Variants in PTP4A1 observed in about 807,000 individuals in gnomAD.
PTP4A1 encodes the protein protein tyrosine phosphatase 4A1, also known as protein tyrosine phosphatase type IVA 1.
Under a neutral mutation model 20.5 loss-of-function variants are expected in PTP4A1, and 9 were observed. The observed-to-expected ratio is 0.44, with a 90% CI of 0.26 to 0.77. The LOEUF is 0.77. Ranked by LOEUF, PTP4A1 falls within the 30% of genes least tolerant of loss-of-function variation. The pLI, the probability that PTP4A1 is intolerant of heterozygous loss-of-function variation, is 0.19. For synonymous variants in PTP4A1, 78 were observed against 67.4 expected (o/e 1.16, Z -0.77); for missense variants, 137 against 218.8 (o/e 0.63, Z 2.36).
chr6:63,580,238 T>C lies in PTP4A1; in HGVS notation c.*64T>C. ...ATAGGGCCTAATTTGTTATACATAT[T>C]AGCCAACATGTTGGCTTAGTAAGTC... is the stretch of plus-strand genomic sequence containing the variant. On this transcript the variant is annotated 3_prime_UTR_variant, in exon 6 of 6. Transcript: ENST00000626021. 7.8e-7 allele frequency: 1 copy of C among 1,282,608 alleles called. No homozygotes were observed. The allele number at this position is 1,282,608 out of a possible 1,614,324, so 79.5% of individuals were successfully genotyped here.
At chr6:63,533,006 C>A (rs1775538873) in intron 2 of PTP4A1, among the ~76,000 whole-genome samples, 2 of 152,126 alleles carry the variant, frequency 1.3e-5, no homozygotes, top group South Asian at 4.1e-4. Context: ...CCAGACACTG[C>A]CTTTGAAGAG....
upstream of PTP4A1, chr6:63,572,452 T>A: frequency 2.7e-6 from 1 of 372,368 alleles, no homozygotes; most frequent in Non-Finnish European, 4.8e-6. Flanking sequence ...GCGCCGGCTA[T>A]AAAGGGGAGG....
intron 1 of PTP4A1, among the ~76,000 whole-genome samples, chr6:63,523,108 T>C (rs1443288588): frequency 6.6e-6 from 1 of 151,784 alleles, no homozygotes; most frequent in East Asian, 1.9e-4. Flanking sequence ...TCAAGTGACC[T>C]GCCCACCTCA....
rs1778057618 is a variant in PTP4A1 at position 63,579,136 on chromosome 6, A to T, written c.329+108A>T. 7 of 1,379,224 alleles carry T rather than the reference A, an allele frequency of 5.1e-6. No individual in the cohort carries two copies. In the Admixed American group the frequency reaches 1.5e-4, roughly 30 times the overall value. 85.4% of individuals were successfully genotyped at this position (1,379,224 alleles called of 1,614,324 possible). A position where few individuals can be genotyped will look rare whatever the true frequency, so the allele number is the denominator to read the frequency against. On this transcript the variant is annotated intron_variant, in intron 4 of 5. Coordinates refer to ENST00000626021, the MANE Select transcript of PTP4A1 (RefSeq NM_003463.5). ...TTAATATAAAGTCAACATTTGTCAT[A>T]GGTATTACTTAAATAGGAAGGGTGG...
At chr6:63,552,554 T>C (rs371121649) in intron 3 of PTP4A1, among the ~76,000 whole-genome samples, 27 of 152,230 alleles carry the variant, frequency 1.8e-4, no homozygotes, top group African/African-American at 3.6e-4. Context: ...TCCCATTTGT[T>C]AATTTTGGCT....
intron 2 of PTP4A1, among the ~76,000 whole-genome samples, chr6:63,547,701 C>T (rs1166437962): frequency 4.1e-5 from 6 of 147,822 alleles, no homozygotes; most frequent in Middle Eastern, 3.7e-3. Flanking sequence ...TCAGTAGAGA[C>T]GGGGTTTCAC....
chr6:63,549,383 G>T, intron 2 of PTP4A1: 1 of 753,916 alleles, frequency 1.3e-6, no homozygotes, highest in Non-Finnish European at 2.4e-6. Context: ...TGAATGTCCT[G>T]TCCAATGTCA....
upstream of PTP4A1, among the ~76,000 whole-genome samples, chr6:63,519,113 G>A (rs1374226019): frequency 6.6e-6 from 1 of 152,154 alleles, no homozygotes; most frequent in Non-Finnish European, 1.5e-5. Flanking sequence ...TTCAAGACCA[G>A]CCTGGCCAAC....
At chr6:63,541,026 AAAGGAAGGAAGG>A (rs60316277) in intron 2 of PTP4A1, among the ~76,000 whole-genome samples, 3 of 146,466 alleles carry the variant, frequency 2.0e-5, no homozygotes, top group Non-Finnish European at 4.5e-5. Context: ...GGGAATGAAG[AAAGGAAGGAAGG>A]AAGGAAGGAA....
chr6:63,549,382 T>C, intron 2 of PTP4A1: 1 of 753,710 alleles, frequency 1.3e-6, no homozygotes, highest in South Asian at 1.4e-5. Context: ...CTGAATGTCC[T>C]GTCCAATGTC....
intron 3 of PTP4A1, among the ~76,000 whole-genome samples, chr6:63,560,054 A>C (rs1474836309): frequency 6.6e-6 from 1 of 152,238 alleles, no homozygotes; most frequent in African/African-American, 2.4e-5. Context: ...AATGCATTTC[A>C]TAACATATCT....
chr6:63,520,398 G>A (rs559344983), upstream of PTP4A1, among the ~76,000 whole-genome samples: 14 of 152,182 alleles, frequency 9.2e-5, no homozygotes, highest in South Asian at 2.3e-3. Flanking sequence ...AGACTGAGGC[G>A]GGCGGATCAC....
In PTP4A1 at chr6:63,572,522, G is replaced by C. The variant is rs528563105; in HGVS notation, c.-643G>C. 1.8e-5 allele frequency: 7 copies of C among 392,156 alleles called. No individual in the cohort carries two copies. Among genetic ancestry groups the C allele is most frequent in the South Asian group, 1.3e-4 (1 of 7,874 alleles). 24.3% of individuals were successfully genotyped at this position (392,156 alleles called of 1,614,324 possible). A position where few individuals can be genotyped will look rare whatever the true frequency, so the allele number is the denominator to read the frequency against. On this transcript the variant is annotated 5_prime_UTR_variant, in exon 1 of 6. Transcript: ENST00000626021. ...GGCTCCTTCGGCTGCGGGCCGGCTC[G>C]GCTACGCGCTCTGCTCCGAGCCGCT...
chr6:63,575,517 T>G (rs2734856), intron 1 of PTP4A1, among the ~76,000 whole-genome samples: 5 of 152,188 alleles, frequency 3.3e-5, no homozygotes, highest in African/African-American at 1.2e-4. Context: ...ATAAATACAT[T>G]CATATTTGTT....
chr6:63,554,417 T>G (rs1329598073), intron 3 of PTP4A1, among the ~76,000 whole-genome samples: 2 of 152,226 alleles, frequency 1.3e-5, no homozygotes, highest in Non-Finnish European at 2.9e-5. Flanking sequence ...TTTCAAGGGC[T>G]TTACCTCCAC....
chr6:63,534,355 T>C (rs1298829752), intron 2 of PTP4A1, among the ~76,000 whole-genome samples: 1 of 152,062 alleles, frequency 6.6e-6, no homozygotes, highest in East Asian at 1.9e-4. Flanking sequence ...GGAGCAATGG[T>C]TCTCTGAGGA....
chr6:63,552,706 T>G (rs1187853239), intron 3 of PTP4A1, among the ~76,000 whole-genome samples: 5 of 152,242 alleles, frequency 3.3e-5, no homozygotes, highest in Non-Finnish European at 7.3e-5. Flanking sequence ...TGAATTAATT[T>G]TTGTATAAGG....
intron 3 of PTP4A1, 93 bp downstream of exon 3, chr6:63,578,622 A>T: frequency 2.0e-6 from 3 of 1,468,882 alleles, no homozygotes; most frequent in Non-Finnish European, 2.7e-6. Context: ...TTAAGTCATA[A>T]ATAGACCTCA....
intron 2 of PTP4A1, among the ~76,000 whole-genome samples, chr6:63,538,776 T>C (rs1349765672): frequency 6.6e-6 from 1 of 152,218 alleles, no homozygotes; most frequent in African/African-American, 2.4e-5. Context: ...ACCTCCAGAG[T>C]TCTGATTCCA....
Sources: gnomAD v4.1 joint callset for allele counts (sites outside exome capture counted in the v4.1 genomes callset) on GRCh38, gnomAD v4.1.1 for gene constraint, MANE v1.5 for transcripts, NCBI Gene and HGNC (gene_info 2026-07-23, HGNC 2026-07-21) for gene names.